The following TNFRSF11A variants were observed in gnomAD, a reference collection of about 807,000 sequenced individuals.
TNFRSF11A encodes TNF receptor superfamily member 11a.
In TNFRSF11A, 32 loss-of-function variants were observed where a neutral mutation model predicts 55.7. That is an observed-to-expected ratio of 0.57 (90% CI 0.43 to 0.77). TNFRSF11A has a LOEUF of 0.77. Among genes scored for constraint, TNFRSF11A ranks in the 30% least tolerant of loss-of-function variants. The pLI is 0.00. For synonymous variants in TNFRSF11A, 311 were observed against 331.0 expected (o/e 0.94, Z 0.65); for missense variants, 753 against 809.8 (o/e 0.93, Z 0.85).
chr18:62,341,835 GCTTT>G (rs2046314652), intron 1 of TNFRSF11A, among the ~76,000 whole-genome samples: 2 of 68,852 alleles, frequency 2.9e-5, no homozygotes, highest in Non-Finnish European at 2.5e-5. Flanking sequence ...GCTGAGAATG[GCTTT>G]TTTTTTTTTT....
intron 1 of TNFRSF11A, among the ~76,000 whole-genome samples, chr18:62,335,392 C>T (rs1312859595): frequency 1.3e-5 from 2 of 152,172 alleles, no homozygotes; most frequent in Non-Finnish European, 2.9e-5. Context: ...AGGCATGAGC[C>T]ACCACGCCTG....
In TNFRSF11A at chr18:62,325,372, G is replaced by A; in HGVS notation, c.20G>A (p.Arg7Gln). The change falls in exon 1 of 10, where the codon CGG (arginine) becomes CAG (glutamine). Residue 7 changes from arginine (R) to glutamine (Q), a missense_variant. Around this residue, in one of 3 missense-constraint regions of TNFRSF11A, gnomAD observed 156 missense variants for 155.1 expected, o/e 1.01. Coordinates refer to ENST00000586569, the MANE Select transcript of TNFRSF11A (RefSeq NM_003839.4). The surrounding 1 kb of genome is among the most constrained non-coding windows in gnomAD (Gnocchi z 4.7). The part of the protein sequence containing the change: MAPRAR[R>Q]RRPLFALLLL... ...CGCGCCATGGCCCCGCGCGCCCGGC[G>A]GCGCCGCCCGCTGTTCGCGCTGCTG... 9.5e-7 allele frequency: 1 copy of A among 1,054,278 alleles called. No homozygotes were observed. Among genetic ancestry groups the A allele is most frequent in the African/African-American group, 1.7e-5 (1 of 58,298 alleles). The allele number at this position is 1,054,278 out of a possible 1,614,324, so 65.3% of individuals were successfully genotyped here. A position where few individuals can be genotyped will look rare whatever the true frequency, so the allele number is the denominator to read the frequency against.
chr18:62,358,595 T>C (rs1174359965), intron 5 of TNFRSF11A, among the ~76,000 whole-genome samples: 1 of 152,244 alleles, frequency 6.6e-6, no homozygotes, highest in African/African-American at 2.4e-5. Flanking sequence ...GTTGCAGCTT[T>C]TTCTAACCTT....
Position 62,385,343 on chromosome 18 carries a change from TGGG to T in TNFRSF11A, c.*318_*320del. The T allele has an allele frequency of 1.2e-5, 2 of 162,798 alleles. No individual in the cohort carries two copies. Among genetic ancestry groups the T allele is most frequent in the Non-Finnish European group, 2.5e-5 (2 of 80,736 alleles). 10.1% of individuals were successfully genotyped at this position (162,798 alleles called of 1,614,324 possible). A position where few individuals can be genotyped will look rare whatever the true frequency, so the allele number is the denominator to read the frequency against. ...CTATTTTTATGACTATCCTGTTCTG[TGGG>T]GGGGGGGGTCTGTTTTCCCCCCATA... On this transcript the variant is annotated 3_prime_UTR_variant, in exon 10 of 10. Coordinates refer to ENST00000586569, the MANE Select transcript of TNFRSF11A (RefSeq NM_003839.4).
chr18:62,356,911 T>C (rs750948810), intron 4 of TNFRSF11A, among the ~76,000 whole-genome samples: 5 of 152,216 alleles, frequency 3.3e-5, no homozygotes, highest in African/African-American at 9.7e-5. Context: ...AGTCAAGCTA[T>C]GGAAATTAAC....
intron 4 of TNFRSF11A, 99 bp from the exon 5 acceptor site, chr18:62,358,149 C>T (rs1909408472): frequency 2.6e-6 from 3 of 1,156,340 alleles, no homozygotes; most frequent in Admixed American, 3.5e-5. Flanking sequence ...CAGCGCCTCA[C>T]CTCCAGTCCT....
chr18:62,335,129 AT>A (rs11289576), intron 1 of TNFRSF11A, among the ~76,000 whole-genome samples: 95,943 of 140,846 alleles, frequency 0.68, 33,161 homozygotes, highest in African/African-American at 0.82. Context: ...TGGGGTCGGA[AT>A]TTTTTTTTTT....
intron 1 of TNFRSF11A, among the ~76,000 whole-genome samples, chr18:62,328,805 C>A (rs1003915381): frequency 5.9e-5 from 9 of 152,204 alleles, no homozygotes; most frequent in African/African-American, 2.2e-4. Flanking sequence ...ATTTCAAATG[C>A]CTCCCCTGTT....
Position 62,384,827 on chromosome 18 carries a change from G to C in TNFRSF11A, c.1644G>C (p.Val548=), listed in dbSNP as rs35114461. 471 of 1,611,834 alleles carry C rather than the reference G, an allele frequency of 2.9e-4. 3 individuals are homozygous for C. In the East Asian group the frequency reaches 0.01, roughly 34 times the overall value. Residue 548 remains valine, a synonymous_variant, in exon 10 of 10, where the codon GTG becomes GTC. Transcript: ENST00000586569. ...QVMNFKGDII[V]VYVSQTSQEG... ...TGAACTTCAAGGGCGACATCATCGT[G>C]GTCTACGTCAGCCAGACCTCGCAGG... is the stretch of plus-strand genomic sequence containing the variant.
Position 62,386,450 on chromosome 18 carries a change from C to A in TNFRSF11A, c.*1416C>A, listed in dbSNP as rs564830684. ...AAGAAAACTTATTATCCTAAAGGTG[C>A]CTTTCTCTTGGCATCATCCCGCTTG... On this transcript the variant is annotated 3_prime_UTR_variant, in exon 10 of 10. Coordinates refer to ENST00000586569, the MANE Select transcript of TNFRSF11A (RefSeq NM_003839.4). 1 of 152,144 alleles carries A rather than the reference C, an allele frequency of 6.6e-6. No individual in the cohort carries two copies. The highest frequency in any genetic ancestry group is 1.5e-5 in the Non-Finnish European group (1 of 68,024). 9.4% of individuals were successfully genotyped at this position (152,144 alleles called of 1,614,324 possible).
chr18:62,325,356 G>T lies in TNFRSF11A; in HGVS notation c.4G>T (p.Ala2Ser). Residue 2 changes from alanine to serine, a missense_variant, in exon 1 of 10, where the codon GCC becomes TCC. Coordinates refer to ENST00000586569, the MANE Select transcript of TNFRSF11A (RefSeq NM_003839.4). This position sits in a 1 kb window ranked among gnomAD's most constrained non-coding sequence, Gnocchi z 4.7. ...GCCCGCCAGCCTGTCCCGCGCCATG[G>T]CCCCGCGCGCCCGGCGGCGCCGCCC... The part of the protein sequence containing the change: M[A>S]PRARRRRPLF... 3.9e-6 allele frequency: 4 copies of T among 1,023,916 alleles called. No homozygotes were observed. Among genetic ancestry groups the T allele is most frequent in the Non-Finnish European group, 4.7e-6 (4 of 858,944 alleles). 63.4% of individuals were successfully genotyped at this position (1,023,916 alleles called of 1,614,324 possible).
intron 5 of TNFRSF11A, 51 bp from the exon 6 acceptor site, chr18:62,359,904 T>C (rs1909544454): frequency 6.5e-7 from 1 of 1,547,592 alleles, no homozygotes; most frequent in Non-Finnish European, 8.9e-7. Flanking sequence ...GTTCACTTTT[T>C]AAAAAACAAG....
At chr18:62,352,149 A>G (rs921573268) in intron 3 of TNFRSF11A, among the ~76,000 whole-genome samples, 2 of 152,214 alleles carry the variant, frequency 1.3e-5, no homozygotes, top group African/African-American at 4.8e-5. Flanking sequence ...GAGGTGGCCC[A>G]AGGTGTTTTG....
At chr18:62,369,650 AC>A (rs1347512833) in intron 9 of TNFRSF11A, among the ~76,000 whole-genome samples, 166 bp downstream of exon 9, 2 of 152,254 alleles carry the variant, frequency 1.3e-5, no homozygotes, top group Non-Finnish European at 2.9e-5. Context: ...GATTCAGTCC[AC>A]GTGTTTGGTT....
intron 3 of TNFRSF11A, among the ~76,000 whole-genome samples, chr18:62,353,213 C>G (rs933137991): frequency 1.3e-5 from 2 of 152,142 alleles, no homozygotes; most frequent in Admixed American, 6.5e-5. Flanking sequence ...CTGATCACCA[C>G]GTAAACTTGT....
chr18:62,363,674 G>A (rs1019428275), intron 7 of TNFRSF11A, among the ~76,000 whole-genome samples: 1 of 152,086 alleles, frequency 6.6e-6, no homozygotes, highest in African/African-American at 2.4e-5. Flanking sequence ...GCCAAGTGGT[G>A]ACCATTTCTT....
intron 1 of TNFRSF11A, among the ~76,000 whole-genome samples, chr18:62,345,634 A>G (rs1197840283): frequency 6.6e-6 from 1 of 152,226 alleles, no homozygotes; most frequent in Non-Finnish European, 1.5e-5. Context: ...GGAATTAGAT[A>G]GCCGCGATGG....
intron 3 of TNFRSF11A, among the ~76,000 whole-genome samples, chr18:62,350,406 C>T (rs1001806208): frequency 6.6e-6 from 1 of 152,206 alleles, no homozygotes; most frequent in African/African-American, 2.4e-5. Flanking sequence ...CATTCTCCTG[C>T]CTCAGCCTCC....
intron 8 of TNFRSF11A, 124 bp downstream of exon 8, chr18:62,366,884 T>C: frequency 1.0e-6 from 1 of 1,003,056 alleles, no homozygotes; most frequent in East Asian, 2.5e-5. Flanking sequence ...AGTCTCGCTC[T>C]GTGCCTCAGG....
Sources: gnomAD v4.1 joint callset for allele counts (sites outside exome capture counted in the v4.1 genomes callset) on GRCh38, gnomAD v4.1.1 for gene constraint, gnomAD v4.1.1 regional missense constraint, Gnocchi (gnomAD v3.1) non-coding constraint, MANE v1.5 for transcripts, NCBI Gene and HGNC (gene_info 2026-07-23, HGNC 2026-07-21) for gene names.